Variants in TMEM156 observed in about 807,000 individuals in gnomAD.
TMEM156 encodes the protein transmembrane protein 156.
A neutral mutation model predicts 30.5 loss-of-function variants in TMEM156; 28 were observed. That is an observed-to-expected ratio of 0.92 (90% confidence interval 0.68 to 1.26). The LOEUF is 1.26. Ranked by LOEUF, TMEM156 falls within the 50% of genes most tolerant of loss-of-function variation. The probability of loss-of-function intolerance (pLI) is 0.00; values close to 1 mark genes in which losing one functional copy is unlikely to be tolerated. For missense variants in TMEM156, 351 were observed against 340.6 expected, an observed-to-expected ratio of 1.03 and a Z score of -0.24; for synonymous variants, 137 against 119.9, an observed-to-expected ratio of 1.14 and a Z score of -0.93.
At chr4:38,985,936 T>C (rs1328856285) in intron 5 of TMEM156, among the ~76,000 whole-genome samples, 3 of 152,262 alleles carry the variant, frequency 2.0e-5, no homozygotes, top group African/African-American at 7.2e-5. Flanking sequence ...TTAGAAGTTC[T>C]CTTTACACAA....
Position 38,993,894 on chromosome 4 carries a change from A to G in TMEM156, c.463T>C (p.Tyr155His). 1 of 1,614,154 alleles carries G rather than the reference A, an allele frequency of 6.2e-7. No homozygotes were observed. The highest frequency in any genetic ancestry group is 8.5e-7 in the Non-Finnish European group (1 of 1,180,014). ...TTTTTTAGATGACAGGTAGTGTTATATTCCTCCAAGTGGTCAACCAGAGGA... is the reference window on the plus strand; with the variant it reads ...TTTTTTAGATGACAGGTAGTGTTATGTTCCTCCAAGTGGTCAACCAGAGGA... ...VAPLVDHLEE[Y>H]NTTCHLKNHT... Residue 155 changes from tyrosine (Y) to histidine (H), a missense_variant, in exon 3 of 7, where the codon TAT becomes CAT. Transcript: ENST00000381938.
At chr4:38,972,902 T>C (rs1396850300) in intron 5 of TMEM156, among the ~76,000 whole-genome samples, 2 of 152,322 alleles carry the variant, frequency 1.3e-5, no homozygotes, top group Admixed American at 1.3e-4. Context: ...TTGTGATAGT[T>C]TTTTTGCTGT....
At position 39,008,638 on chromosome 4, in the gene TMEM156, G is replaced by A. The variant is rs547754498; in HGVS notation, c.89-9729C>T. Among the ~76,000 whole-genome samples the A allele has an allele frequency of 2.0e-5, 3 of 152,138 alleles. No individual in the cohort carries two copies. The East Asian group carries it at 5.8e-4, about 29-fold the overall frequency. On this transcript the variant is annotated intron_variant, in intron 1 of 6. Coordinates refer to ENST00000381938, the MANE Select transcript of TMEM156 (RefSeq NM_024943.3). ...TTAAAAAATAAGTTGAATACCAAGA[G>A]GCACTCTTAAAACCAGACAAATACA...
intron 5 of TMEM156, among the ~76,000 whole-genome samples, chr4:38,984,349 CTGTGTGTGTG>C (rs34823853): frequency 0.036 from 4,658 of 131,056 alleles, 250 homozygotes; most frequent in African/African-American, 0.12. Flanking sequence ...CTCTCTCTCT[CTGTGTGTGTG>C]TGTGTGTGTG....
In TMEM156 at chr4:38,972,242, ATTTTTTTT is replaced by A. The variant is rs144479056; in HGVS notation, c.824-1113_824-1106del. On this transcript the variant is annotated intron_variant, in intron 5 of 6. Coordinates refer to ENST00000381938, the MANE Select transcript of TMEM156 (RefSeq NM_024943.3). ...AAATACTGTAGAACCTTCTCTGGGA[ATTTTTTTT>A]TTTTTTTTTTTTTTTTTTTTTGAGA... Among the ~76,000 whole-genome samples the A allele has an allele frequency of 5.3e-4, 40 of 75,860 alleles. 1 individual carries two copies. In the Admixed American group the frequency reaches 6.1e-3, roughly 12 times the overall value. 49.8% of individuals were successfully genotyped at this position (75,860 alleles called of 152,430 possible). A position where few individuals can be genotyped will look rare whatever the true frequency, so the allele number is the denominator to read the frequency against.
intron 2 of TMEM156, among the ~76,000 whole-genome samples, chr4:38,994,896 C>G (rs140905147): frequency 1.8e-4 from 28 of 152,102 alleles, no homozygotes; most frequent in Admixed American, 8.5e-4. Context: ...CAAGATTGCA[C>G]CACTGCACTC....
intron 1 of TMEM156, among the ~76,000 whole-genome samples, chr4:39,025,444 T>C (rs1158255276): frequency 6.6e-6 from 1 of 151,698 alleles, no homozygotes; most frequent in East Asian, 1.9e-4. Context: ...AGGCCAATCA[T>C]TGAAGGCTCT....
intron 5 of TMEM156, among the ~76,000 whole-genome samples, chr4:38,973,209 A>C (rs1722692498): frequency 6.6e-6 from 1 of 152,106 alleles, no homozygotes; most frequent in African/African-American, 2.4e-5. Context: ...CTTCTATTTC[A>C]ATTTTTTCCT....
At chr4:39,020,602 A>G (rs1264699911) in intron 1 of TMEM156, among the ~76,000 whole-genome samples, 1 of 151,906 alleles carries the variant, frequency 6.6e-6, no homozygotes, top group Non-Finnish European at 1.5e-5. Flanking sequence ...ACCAGGCTGG[A>G]GTGAAGTGGC....
chr4:38,995,781 T>C (rs781630703), intron 2 of TMEM156, among the ~76,000 whole-genome samples: 14 of 152,326 alleles, frequency 9.2e-5, no homozygotes, highest in Admixed American at 7.2e-4. Flanking sequence ...GATTTGCTTA[T>C]AACCAATCAA....
chr4:38,968,572 G>A (rs1323510011), intron 6 of TMEM156, among the ~76,000 whole-genome samples: 1 of 152,210 alleles, frequency 6.6e-6, no homozygotes, highest in East Asian at 1.9e-4. Flanking sequence ...GAACTCTTCA[G>A]ATGCAAAGAT....
intron 1 of TMEM156, among the ~76,000 whole-genome samples, chr4:39,007,104 A>G (rs769461379): frequency 3.3e-5 from 5 of 152,158 alleles, no homozygotes; most frequent in Non-Finnish European, 5.9e-5. Flanking sequence ...TAAAGTTTCC[A>G]GGTACATATA....
Position 38,971,071 on chromosome 4 carries a change from T to A in TMEM156, c.890A>T (p.Ter297LeuextTer8), listed in dbSNP as rs140693293. 6.2e-7 allele frequency: 1 copy of A among 1,613,858 alleles called. No individual in the cohort carries two copies. Among genetic ancestry groups the A allele is most frequent in the South Asian group, 1.1e-5 (1 of 91,074 alleles). Residue 297 changes from the stop codon to leucine (L), a stop_lost, in exon 6 of 7, where the codon TAA (stop) becomes TTA (leucine). Coordinates refer to ENST00000381938, the MANE Select transcript of TMEM156 (RefSeq NM_024943.3). ...TCACTGATGCACTGTGGAAGTAACT[T>A]ATAGTTCTGGAATTGGGGGAAGCAC... Reference protein sequence around the residue: ...QEVLPPIPEL* With the variant: ...QEVLPPIPELL
chr4:38,983,569 T>A (rs1218013848), intron 5 of TMEM156, among the ~76,000 whole-genome samples: 1 of 152,152 alleles, frequency 6.6e-6, no homozygotes, highest in Non-Finnish European at 1.5e-5. Context: ...TGACTAATTT[T>A]GTTTATTTTT....
intron 4 of TMEM156, among the ~76,000 whole-genome samples, chr4:38,987,999 C>T (rs528899074): frequency 5.3e-5 from 8 of 152,174 alleles, no homozygotes; most frequent in Non-Finnish European, 7.4e-5. Flanking sequence ...GGGTACACAC[C>T]GGTAGCATCA....
chr4:39,020,271 T>C (rs1033515028), intron 1 of TMEM156, among the ~76,000 whole-genome samples: 2 of 152,146 alleles, frequency 1.3e-5, no homozygotes, highest in Non-Finnish European at 2.9e-5. Context: ...GATATGGGAG[T>C]TCAGAGTGAT....
chr4:38,986,403 A>G lies in TMEM156; in HGVS notation c.756T>C (p.Pro252=). 2.5e-6 allele frequency: 4 copies of G among 1,612,860 alleles called. No individual in the cohort carries two copies. Among genetic ancestry groups the G allele is most frequent in the Non-Finnish European group, 3.4e-6 (4 of 1,178,920 alleles). Residue 252 remains proline, a synonymous_variant, in exon 5 of 7, where the codon CCT becomes CCC. Transcript: ENST00000381938. ...VQKWQSHRDK[P]TSVLLRGSDS... The stretch of plus-strand genomic sequence containing the variant: ...CACTTCCTCTTAAGAGAACAGATGT[A>G]GGTTTGTCTCTATGACCTATTCCCA...
intron 1 of TMEM156, among the ~76,000 whole-genome samples, chr4:39,004,727 C>T (rs1381793390): frequency 1.3e-5 from 2 of 151,836 alleles, no homozygotes; most frequent in Non-Finnish European, 2.9e-5. Flanking sequence ...TGTGTTGTTC[C>T]ATTTTTTGCT....
chr4:38,984,375 GTGTGTGTGT>G (rs1323266403), intron 5 of TMEM156, among the ~76,000 whole-genome samples: 6 of 147,748 alleles, frequency 4.1e-5, no homozygotes, highest in African/African-American at 1.6e-4. Context: ...GTGTGTGTGT[GTGTGTGTGT>G]TGAACAATAC....
Sources: gnomAD v4.1 joint callset for allele counts (sites outside exome capture counted in the v4.1 genomes callset) on GRCh38, gnomAD v4.1.1 for gene constraint, MANE v1.5 for transcripts, NCBI Gene and HGNC (gene_info 2026-07-23, HGNC 2026-07-21) for gene names.